The following BABAM2 variants were observed in gnomAD, a reference collection of about 807,000 sequenced individuals.
BABAM2 encodes the protein BRISC and BRCA1-A complex member 2.
In BABAM2, 31 loss-of-function variants were observed where a neutral mutation model predicts 54.7. The observed-to-expected ratio is 0.57, with a 90% CI of 0.43 to 0.77. The LOEUF (loss-of-function observed/expected upper bound fraction) is 0.77, where lower values mean the gene tolerates loss of function less well. Ranked by LOEUF, BABAM2 falls within the 30% of genes least tolerant of loss-of-function variation. The pLI, the probability that BABAM2 is intolerant of heterozygous loss-of-function variation, is 0.00. For missense variants in BABAM2, 364 were observed against 455.8 expected, an observed-to-expected ratio of 0.80 and a Z score of 1.83; for synonymous variants, 167 against 162.9, an observed-to-expected ratio of 1.03 and a Z score of -0.19.
rs1224473422 is a variant in BABAM2, at chr2:28,049,628, T to C, written c.570+3829T>C. On this transcript the variant is annotated intron_variant, in intron 6 of 11. Coordinates refer to ENST00000379624, the MANE Select transcript of BABAM2 (RefSeq NM_199191.3). ...TGAGTGTGAAAAAGCTAAAATAGGT[T>C]GTTTATACAAGAGATGAAGTTCTCA... Among the ~76,000 whole-genome samples, 10 of 152,206 alleles carry C rather than the reference T, an allele frequency of 6.6e-5. No individual in the cohort carries two copies. The East Asian group carries it at 1.9e-3, about 29-fold the overall frequency.
Position 27,933,342 on chromosome 2 carries a change from C to T in BABAM2, c.205+3434C>T, listed in dbSNP as rs1668236816. Among the ~76,000 whole-genome samples the T allele has an allele frequency of 2.0e-5, 3 of 151,772 alleles. No homozygotes were observed. In the South Asian group the frequency reaches 6.2e-4, roughly 32 times the overall value. ...ACATTGTATAATGGCAATTCTTATG[C>T]TAAAATGAGTCAAGATTCTAGTGTT... On this transcript the variant is annotated intron_variant, in intron 3 of 11. Coordinates refer to ENST00000379624, the MANE Select transcript of BABAM2 (RefSeq NM_199191.3).
At chr2:27,893,717 C>T (rs1665045636) in intron 1 of BABAM2, among the ~76,000 whole-genome samples, 1 of 152,044 alleles carries the variant, frequency 6.6e-6, no homozygotes, top group Non-Finnish European at 1.5e-5. Context: ...AGCAGTAGGC[C>T]GGGTGCGGTG....
At chr2:28,182,434 T>C (rs1675749494) in intron 7 of BABAM2, among the ~76,000 whole-genome samples, 1 of 152,156 alleles carries the variant, frequency 6.6e-6, no homozygotes, top group Non-Finnish European at 1.5e-5. Flanking sequence ...CACACAATCA[T>C]AGCTGCACAG....
intron 10 of BABAM2, among the ~76,000 whole-genome samples, chr2:28,297,566 A>G (rs1008542965): frequency 5.3e-5 from 8 of 152,366 alleles, no homozygotes; most frequent in African/African-American, 1.9e-4. Flanking sequence ...AAGATAAAGC[A>G]TATAACACAT....
chr2:27,936,001 TTC>T (rs1406059099), intron 3 of BABAM2, among the ~76,000 whole-genome samples: 1 of 152,138 alleles, frequency 6.6e-6, no homozygotes, highest in Non-Finnish European at 1.5e-5. Flanking sequence ...TCACTACAAC[TTC>T]TGTTTCCCAG....
At position 28,110,623 on chromosome 2, in the gene BABAM2, C is replaced by CA. The variant is rs965124971; in HGVS notation, c.571-18639dup. 2.0e-4 allele frequency among the ~76,000 whole-genome samples: 30 copies of CA among 147,670 alleles called. No individual in the cohort carries two copies. In the East Asian group the frequency reaches 2.6e-3, roughly 13 times the overall value. On this transcript the variant is annotated intron_variant, in intron 6 of 11. Coordinates refer to ENST00000379624, the MANE Select transcript of BABAM2 (RefSeq NM_199191.3). The stretch of plus-strand genomic sequence containing the variant: ...TGGGTGACAGAGCGAGACTCCATCT[C>CA]AAAAAAAAATAAATAAATAAAATAA...
intron 6 of BABAM2, among the ~76,000 whole-genome samples, chr2:28,113,994 A>G (rs115063984): frequency 0.031 from 4,710 of 152,164 alleles, 243 homozygotes; most frequent in African/African-American, 0.11. Context: ...TTTGCATGCA[A>G]TAAACTGGAT....
At chr2:27,922,069 T>C (rs1198876036) in intron 2 of BABAM2, among the ~76,000 whole-genome samples, 1 of 152,236 alleles carries the variant, frequency 6.6e-6, no homozygotes, top group African/African-American at 2.4e-5. Context: ...TAAAGATGCC[T>C]AGGCCATGGA....
chr2:28,095,663 G>A (rs947527804), intron 6 of BABAM2, among the ~76,000 whole-genome samples: 1 of 152,060 alleles, frequency 6.6e-6, no homozygotes, highest in African/African-American at 2.4e-5. Context: ...AAAGATTTGG[G>A]GTATTTAGGG....
rs546003842 is a variant in BABAM2, at chr2:28,092,711, A to G, written c.571-36560A>G. Among the ~76,000 whole-genome samples, 5 of 151,352 alleles carry G rather than the reference A, an allele frequency of 3.3e-5. No individual in the cohort carries two copies. In the East Asian group the frequency reaches 9.8e-4, roughly 30 times the overall value. On this transcript the variant is annotated intron_variant, in intron 6 of 11. Transcript: ENST00000379624. Reference sequence around the variant, plus strand: ...ATAGTATTTTGTACCTAACCAATTAATCTTAATATATCCAAGTCCTCTCTC... The same window carrying G: ...ATAGTATTTTGTACCTAACCAATTAGTCTTAATATATCCAAGTCCTCTCTC...
At chr2:27,964,754 A>T (rs954842157) in intron 3 of BABAM2, among the ~76,000 whole-genome samples, 2 of 152,148 alleles carry the variant, frequency 1.3e-5, no homozygotes, top group African/African-American at 4.8e-5. Flanking sequence ...AGGTTTTATA[A>T]ATTGTCCAAG....
At chr2:28,022,378 G>A (rs564757079) in intron 4 of BABAM2, among the ~76,000 whole-genome samples, 12 of 152,318 alleles carry the variant, frequency 7.9e-5, no homozygotes, top group Admixed American at 4.6e-4. Flanking sequence ...TTGTTTACAC[G>A]TGAATGTGAG....
chr2:28,162,261 G>A (rs1673174568), intron 7 of BABAM2, among the ~76,000 whole-genome samples: 1 of 152,128 alleles, frequency 6.6e-6, no homozygotes, highest in African/African-American at 2.4e-5. Context: ...GGACAGTAAA[G>A]ACAAAGGGCA....
At chr2:28,224,850 A>AC (rs1389728161) in intron 7 of BABAM2, among the ~76,000 whole-genome samples, 4 of 95,012 alleles carry the variant, frequency 4.2e-5, no homozygotes, top group African/African-American at 1.8e-4. Flanking sequence ...CGGTAAATTG[A>AC]CAAAAAAAAA....
chr2:27,989,353 C>A (rs184625648), intron 4 of BABAM2, among the ~76,000 whole-genome samples: 4 of 151,868 alleles, frequency 2.6e-5, no homozygotes, highest in Non-Finnish European at 5.9e-5. Flanking sequence ...GTAGTTGAGG[C>A]GAGACTTGTA....
At chr2:28,195,453 G>A (rs981673679) in intron 7 of BABAM2, among the ~76,000 whole-genome samples, 4 of 151,728 alleles carry the variant, frequency 2.6e-5, no homozygotes, top group Non-Finnish European at 5.9e-5. Context: ...TATCTGTCTG[G>A]AAAAAAAATC....
intron 10 of BABAM2, among the ~76,000 whole-genome samples, chr2:28,269,390 T>C (rs970099096): frequency 6.6e-6 from 1 of 152,248 alleles, no homozygotes; most frequent in African/African-American, 2.4e-5. Context: ...CATACCTGCA[T>C]TTCTAGGGAA....
chr2:28,138,831 C>T (rs1670766597), intron 7 of BABAM2, among the ~76,000 whole-genome samples: 2 of 152,154 alleles, frequency 1.3e-5, no homozygotes, highest in South Asian at 4.1e-4. Context: ...TGTTCATCTC[C>T]TCACCCTTGC....
intron 11 of BABAM2, among the ~76,000 whole-genome samples, chr2:28,303,074 T>C (rs973372313): frequency 3.9e-5 from 6 of 152,060 alleles, no homozygotes; most frequent in Non-Finnish European, 8.8e-5. Context: ...AGGCTGGTCT[T>C]GAACCCTTGG....
Sources: allele counts gnomAD v4.1 joint callset (sites outside exome capture counted in the v4.1 genomes callset), GRCh38; gene constraint gnomAD v4.1.1; transcripts MANE v1.5; gene names NCBI Gene and HGNC (gene_info 2026-07-23, HGNC 2026-07-21).